The following RBFOX1 variants were observed in gnomAD, a reference collection of about 807,000 sequenced individuals.
The protein encoded by RBFOX1 is RNA binding fox-1 homolog 1.
Under a neutral mutation model 57.7 loss-of-function variants are expected in RBFOX1, and 8 were observed. That is an observed-to-expected ratio of 0.14 (90% CI 0.08 to 0.25). The LOEUF (loss-of-function observed/expected upper bound fraction) is 0.25. RBFOX1 is among the 10% of genes least tolerant of loss of function. The pLI is 1.00. For synonymous variants in RBFOX1, 326 were observed against 222.4 expected, an observed-to-expected ratio of 1.47 and a Z score of -4.15; for missense variants, 611 against 548.5, an observed-to-expected ratio of 1.11 and a Z score of -1.14.
In RBFOX1 at chr16:6,925,109, G is replaced by GTTTTTTTTTTTTTTTTTTTTTTTTTTTTT. The variant is rs57556084; in HGVS notation, c.-15-126934_-15-126906dup. Among the ~76,000 whole-genome samples, 3 of 45,250 alleles carry GTTTTTTTTTTTTTTTTTTTTTTTTTTTTT rather than the reference G, an allele frequency of 6.6e-5. 1 individual carries two copies. The highest frequency in any genetic ancestry group is 2.6e-4 in the African/African-American group (3 of 11,332). 29.7% of individuals were successfully genotyped at this position (45,250 alleles called of 152,430 possible). The stretch of plus-strand genomic sequence containing the variant: ...TCGTTGTTGGACATCTAGGTTGTTG[G>GTTTTTTTTTTTTTTTTTTTTTTTTTTTTT]TTTTTTTTTTTTTTTTTTTTTTTTT... On this transcript the variant is annotated intron_variant, in intron 3 of 15. Transcript: ENST00000550418.
At chr16:6,844,791 A>T (rs1045061917) in intron 3 of RBFOX1, among the ~76,000 whole-genome samples, 6 of 152,198 alleles carry the variant, frequency 3.9e-5, no homozygotes, top group African/African-American at 1.4e-4. Context: ...GAACTAATTT[A>T]CACTGCCTCC....
At chr16:7,526,422 G>T (rs148848629) in intron 5 of RBFOX1, among the ~76,000 whole-genome samples, 66 of 152,270 alleles carry the variant, frequency 4.3e-4, no homozygotes, top group African/African-American at 1.6e-3. Flanking sequence ...CTTACAAGCG[G>T]AAGGAGCTCA....
chr16:7,057,512 C>T (rs2052724061), intron 4 of RBFOX1, among the ~76,000 whole-genome samples: 1 of 152,134 alleles, frequency 6.6e-6, no homozygotes, highest in Non-Finnish European at 1.5e-5. Context: ...CGCTTTCCAC[C>T]GGTATAGGGA....
intron 2 of RBFOX1, among the ~76,000 whole-genome samples, chr16:6,625,538 G>T (rs2098293317): frequency 6.6e-6 from 1 of 152,096 alleles, no homozygotes; most frequent in African/African-American, 2.4e-5. Context: ...CTTTAAGAAA[G>T]CCCTCTCTGT....
At chr16:6,412,153 C>CA (rs886851602) in intron 2 of RBFOX1, among the ~76,000 whole-genome samples, 7 of 143,294 alleles carry the variant, frequency 4.9e-5, no homozygotes, top group East Asian at 2.1e-4. Flanking sequence ...AACAAAAAAA[C>CA]AAAAAAACAA....
chr16:7,676,719 A>T, intron 13 of RBFOX1, 55 bp from the exon 14 acceptor site: 5 of 1,459,832 alleles, frequency 3.4e-6, no homozygotes, highest in Non-Finnish European at 4.8e-6. Context: ...GCCACTGGGC[A>T]TCCCTGCATT....
chr16:7,660,837 G>C (rs2067535977), intron 12 of RBFOX1, among the ~76,000 whole-genome samples: 1 of 152,192 alleles, frequency 6.6e-6, no homozygotes, highest in Non-Finnish European at 1.5e-5. Flanking sequence ...ACACATTCAA[G>C]TTTGACCACC....
chr16:7,067,822 G>C (rs1249902068), intron 4 of RBFOX1, among the ~76,000 whole-genome samples: 2 of 151,564 alleles, frequency 1.3e-5, no homozygotes, highest in Non-Finnish European at 2.9e-5. Context: ...TACTGAGAAT[G>C]ATGATTTCCA....
intron 3 of RBFOX1, among the ~76,000 whole-genome samples, chr16:5,624,906 T>C (rs149381962): frequency 1.3e-5 from 2 of 152,218 alleles, no homozygotes; most frequent in African/African-American, 4.8e-5. Context: ...AACTGCCCAA[T>C]AGGTTTATCT....
intron 1 of RBFOX1, among the ~76,000 whole-genome samples, chr16:6,156,557 T>C (rs1177750896): frequency 3.9e-5 from 6 of 152,128 alleles, no homozygotes; most frequent in Admixed American, 2.0e-4. Context: ...CAAAGTTGTG[T>C]GGGGAGCTGT....
intron 1 of RBFOX1, among the ~76,000 whole-genome samples, chr16:6,087,485 A>G (rs901051823): frequency 1.3e-5 from 2 of 152,148 alleles, no homozygotes; most frequent in African/African-American, 4.8e-5. Context: ...ATGTGTATAC[A>G]CATATTTGGA....
At chr16:6,267,799 A>T (rs532066608) in intron 1 of RBFOX1, among the ~76,000 whole-genome samples, 25 of 152,268 alleles carry the variant, frequency 1.6e-4, no homozygotes, top group Non-Finnish European at 2.8e-4. Context: ...TATTCTGAGC[A>T]TCCATAGCTG....
At position 5,776,800 on chromosome 16, in the gene RBFOX1, C is replaced by A. The variant is rs560308433; in HGVS notation, c.319-90503C>A. ...ACAGGTATGAAGATGTGTCTACTTT[C>A]TCCCTCCAGAACAGCCCTGTCCAGG... is the stretch of plus-strand genomic sequence containing the variant. On this transcript the variant is annotated intron_variant, in intron 3 of 19. Coordinates refer to the RBFOX1 transcript ENST00000641259. Among the ~76,000 whole-genome samples the A allele has an allele frequency of 1.1e-3, 175 of 152,300 alleles. 1 individual carries two copies. The highest frequency in any genetic ancestry group is 2.1e-3 in the Non-Finnish European group (140 of 68,028).
At chr16:6,979,298 A>C (rs1457211024) in intron 3 of RBFOX1, among the ~76,000 whole-genome samples, 1 of 152,208 alleles carries the variant, frequency 6.6e-6, no homozygotes, top group Non-Finnish European at 1.5e-5. Context: ...CTGTCTGATT[A>C]AACACGCAGG....
intron 4 of RBFOX1, among the ~76,000 whole-genome samples, chr16:7,321,073 A>G (rs1238366155): frequency 1.4e-5 from 2 of 145,614 alleles, no homozygotes; most frequent in African/African-American, 5.2e-5. Flanking sequence ...CTGTCTATCT[A>G]TACGTATACA....
At chr16:5,932,539 A>G (rs192238132) in intron 4 of RBFOX1, among the ~76,000 whole-genome samples, 2 of 152,230 alleles carry the variant, frequency 1.3e-5, no homozygotes, top group African/African-American at 2.4e-5. Flanking sequence ...CTGTGAGCGA[A>G]TGAGTGAGTG....
rs548905829 is a variant in RBFOX1 at position 7,502,281 on chromosome 16, A to G, written c.28-15866A>G. On this transcript the variant is annotated intron_variant, in intron 4 of 15. Coordinates refer to ENST00000550418, the MANE Select transcript of RBFOX1 (RefSeq NM_018723.4). ...CACCTGATTACTATGTGCGGAAGAAAAAGAGGGAACCATTAAAGATACATG... is the reference window on the plus strand; with the variant it reads ...CACCTGATTACTATGTGCGGAAGAAGAAGAGGGAACCATTAAAGATACATG... 3.9e-5 allele frequency among the ~76,000 whole-genome samples: 6 copies of G among 151,934 alleles called. 1 individual carries two copies. The East Asian group carries it at 1.2e-3, about 29-fold the overall frequency.
At chr16:6,091,307 T>G (rs1263905648) in intron 1 of RBFOX1, among the ~76,000 whole-genome samples, 1 of 152,154 alleles carries the variant, frequency 6.6e-6, no homozygotes, top group African/African-American at 2.4e-5. Flanking sequence ...CATGAAGTCT[T>G]TAAAAGCTAT....
At chr16:5,890,351 A>G (rs2058017272) in intron 4 of RBFOX1, among the ~76,000 whole-genome samples, 1 of 152,198 alleles carries the variant, frequency 6.6e-6, no homozygotes, top group Admixed American at 6.5e-5. Context: ...ATAATTTCAC[A>G]GCTGAGTAAA....
Sources: gnomAD v4.1 joint callset for allele counts (sites outside exome capture counted in the v4.1 genomes callset) on GRCh38, gnomAD v4.1.1 for gene constraint, MANE v1.5 for transcripts, NCBI Gene and HGNC (gene_info 2026-07-23, HGNC 2026-07-21) for gene names.